The following CALN1 variants were observed in gnomAD, a reference collection of about 807,000 sequenced individuals.
The protein encoded by CALN1 is calcium-binding protein 8.
Under a neutral mutation model 30.6 loss-of-function variants are expected in CALN1, and 17 were observed. The ratio of observed to expected loss-of-function variants is 0.56; its 90% CI spans 0.38 to 0.83. CALN1 has a LOEUF of 0.83. Ranked by LOEUF, CALN1 falls within the 40% of genes least tolerant of loss-of-function variation. The probability of loss-of-function intolerance (pLI) is 0.00; values close to 1 mark genes in which losing one functional copy is unlikely to be tolerated. For synonymous variants in CALN1, 156 were observed against 131.4 expected, an observed-to-expected ratio of 1.19 and a Z score of -1.28; for missense variants, 291 against 354.9, an observed-to-expected ratio of 0.82 and a Z score of 1.45.
chr7:72,015,258 G>T (rs934943719), intron 5 of CALN1, among the ~76,000 whole-genome samples: 4 of 152,178 alleles, frequency 2.6e-5, no homozygotes, highest in African/African-American at 9.7e-5. Flanking sequence ...CCAAATGTCA[G>T]GCTCATTAAA....
At chr7:72,354,133 A>G (rs1450808505) in intron 2 of CALN1, among the ~76,000 whole-genome samples, 1 of 152,110 alleles carries the variant, frequency 6.6e-6, no homozygotes, top group Non-Finnish European at 1.5e-5. Flanking sequence ...GTTGCAGTGA[A>G]ACGAAATTGT....
At chr7:72,359,772 A>G (rs1375131726) in intron 2 of CALN1, among the ~76,000 whole-genome samples, 2 of 151,928 alleles carry the variant, frequency 1.3e-5, no homozygotes, top group Non-Finnish European at 2.9e-5. Context: ...TCAGGAGTTC[A>G]AGACCATCCT....
intron 5 of CALN1, among the ~76,000 whole-genome samples, chr7:71,913,206 C>A (rs547154010): frequency 6.6e-6 from 1 of 152,196 alleles, no homozygotes; most frequent in Non-Finnish European, 1.5e-5. Flanking sequence ...AAACGAGGAG[C>A]TGGCCAGGCC....
chr7:72,443,051 G>T (rs1808407115), intron 1 of CALN1, among the ~76,000 whole-genome samples: 1 of 152,282 alleles, frequency 6.6e-6, no homozygotes, highest in East Asian at 1.9e-4. Flanking sequence ...ATTGCACTTT[G>T]TTAAGAATTG....
intron 5 of CALN1, among the ~76,000 whole-genome samples, chr7:71,898,138 T>C (rs1207320307): frequency 1.3e-5 from 2 of 151,760 alleles, no homozygotes; most frequent in Non-Finnish European, 2.9e-5. Context: ...GAGACCAGCC[T>C]GGCCAACATG....
chr7:72,265,028 CAG>C (rs1796516315), intron 3 of CALN1, among the ~76,000 whole-genome samples: 1 of 152,146 alleles, frequency 6.6e-6, no homozygotes, highest in Non-Finnish European at 1.5e-5. Context: ...TTTGTAGAGA[CAG>C]GGTTTTGTCT....
chr7:71,990,086 G>A (rs913439762), intron 5 of CALN1, among the ~76,000 whole-genome samples: 1 of 152,106 alleles, frequency 6.6e-6, no homozygotes, highest in African/African-American at 2.4e-5. Flanking sequence ...TTGGAGTTTG[G>A]CACAAAATAC....
At chr7:72,314,376 C>CGTATATACACAT (rs1800281477) in intron 2 of CALN1, among the ~76,000 whole-genome samples, 7 of 41,940 alleles carry the variant, frequency 1.7e-4, no homozygotes, top group African/African-American at 3.2e-4. Context: ...CATATATACA[C>CGTATATACACAT]ATATATACAC....
rs60416266 is a variant in CALN1, at chr7:72,290,079, TAAAAAAAAAAAAAA to T, written c.120-11283_120-11270del. 1.1e-3 allele frequency among the ~76,000 whole-genome samples: 36 copies of T among 32,114 alleles called. 1 individual carries two copies. The highest frequency in any genetic ancestry group is 2.5e-3 in the African/African-American group (20 of 7,844). 21.1% of individuals were successfully genotyped at this position (32,114 alleles called of 152,430 possible). A position where few individuals can be genotyped will look rare whatever the true frequency, so the allele number is the denominator to read the frequency against. Reference sequence around the variant, plus strand: ...GGTAACAGAGAACGAGACCCTGTCTTAAAAAAAAAAAAAAAAAAAAAAAAAAAAAAAAAAAAAAA... The same window carrying T: ...GGTAACAGAGAACGAGACCCTGTCTTAAAAAAAAAAAAAAAAAAAAAAAAA... On this transcript the variant is annotated intron_variant, in intron 2 of 6. Coordinates refer to ENST00000395275, the MANE Select transcript of CALN1 (RefSeq NM_031468.4).
At chr7:72,165,895 G>A (rs1339158275) in intron 3 of CALN1, among the ~76,000 whole-genome samples, 1 of 152,136 alleles carries the variant, frequency 6.6e-6, no homozygotes, top group African/African-American at 2.4e-5. Context: ...CTTGAACCGT[G>A]ATGTTGCCAA....
In CALN1 at chr7:71,779,865, G is replaced by A. The variant is rs569765190; in HGVS notation, c.*7910C>T. 5.1e-4 allele frequency: 78 copies of A among 152,302 alleles called. No homozygotes were observed. Among genetic ancestry groups the A allele is most frequent in the African/African-American group, 1.7e-3 (71 of 41,566 alleles). 9.4% of individuals were successfully genotyped at this position (152,302 alleles called of 1,614,324 possible). On this transcript the variant is annotated 3_prime_UTR_variant, in exon 7 of 7. Transcript: ENST00000395275. ...CGTCTTAGTGGCTTATTCTGGATAT[G>A]AGAGCTGCCAAGCTCCAATCGTCCT...
chr7:72,113,875 A>C (rs1219330257), intron 3 of CALN1, among the ~76,000 whole-genome samples: 2 of 152,142 alleles, frequency 1.3e-5, no homozygotes, highest in Non-Finnish European at 2.9e-5. Context: ...TTTTAGACCA[A>C]GAGCTCAGGC....
At chr7:72,121,133 T>C (rs1808345882) in intron 3 of CALN1, among the ~76,000 whole-genome samples, 1 of 146,198 alleles carries the variant, frequency 6.8e-6, no homozygotes, top group African/African-American at 2.5e-5. Context: ...TTATAATTTA[T>C]ATATGAATTA....
chr7:71,917,445 G>T (rs905281752), intron 5 of CALN1, among the ~76,000 whole-genome samples: 2 of 152,178 alleles, frequency 1.3e-5, no homozygotes, highest in African/African-American at 4.8e-5. Context: ...ATACGAAATG[G>T]TAACTATAAA....
chr7:71,993,967 A>C (rs893015279), intron 5 of CALN1, among the ~76,000 whole-genome samples: 1 of 152,202 alleles, frequency 6.6e-6, no homozygotes. Flanking sequence ...ACTGAAATTT[A>C]AATGTTGTGA....
intron 2 of CALN1, among the ~76,000 whole-genome samples, chr7:72,356,273 T>C (rs1260297896): frequency 6.7e-6 from 1 of 150,184 alleles, no homozygotes; most frequent in East Asian, 1.9e-4. Flanking sequence ...ACCAAATATG[T>C]AGGTAAATCT....
At chr7:72,461,923 G>A in the CALN1 span, among the ~76,000 whole-genome samples, 7 of 152,180 alleles carry the variant, frequency 4.6e-5, no homozygotes, top group African/African-American at 1.4e-4. Flanking sequence ...CAGGAGAATT[G>A]CTTGAGCCCG....
intron 3 of CALN1, among the ~76,000 whole-genome samples, chr7:72,114,450 A>G (rs771326198): frequency 6.6e-6 from 1 of 151,840 alleles, no homozygotes; most frequent in Middle Eastern, 3.4e-3. Flanking sequence ...TCTAGCGAGC[A>G]GCTGCAAATA....
intron 2 of CALN1, among the ~76,000 whole-genome samples, chr7:72,328,945 T>C (rs368159551): frequency 5.3e-5 from 8 of 152,292 alleles, no homozygotes; most frequent in African/African-American, 1.7e-4. Flanking sequence ...GATCCAACCA[T>C]CTCGGCCTCC....
Sources: gnomAD v4.1 joint callset for allele counts (sites outside exome capture counted in the v4.1 genomes callset) on GRCh38, gnomAD v4.1.1 for gene constraint, MANE v1.5 for transcripts, NCBI Gene and HGNC (gene_info 2026-07-23, HGNC 2026-07-21) for gene names.